ZNF236: variants seen among roughly 807,000 people sequenced by gnomAD.
ZNF236 encodes zinc finger protein 236, also known as regulated by glucose.
Under a neutral mutation model 191.2 loss-of-function variants are expected in ZNF236, and 50 were observed. That is an observed-to-expected ratio of 0.26 (90% confidence interval 0.21 to 0.33). The LOEUF (loss-of-function observed/expected upper bound fraction) is 0.33, where lower values mean the gene tolerates loss of function less well. ZNF236 is among the 10% of genes least tolerant of loss of function. The pLI is 1.00. For missense variants in ZNF236, 1,754 were observed against 2,374.5 expected (o/e 0.74, Z 5.43); for synonymous variants, 907 against 928.8 (o/e 0.98, Z 0.43).
chr18:76,879,398 G>A (rs1022053848), intron 7 of ZNF236, among the ~76,000 whole-genome samples: 1 of 152,082 alleles, frequency 6.6e-6, no homozygotes, highest in Non-Finnish European at 1.5e-5. Flanking sequence ...GCATCGGTCG[G>A]GTACATTTGT....
intron 9 of ZNF236, among the ~76,000 whole-genome samples, chr18:76,893,359 C>T (rs2122697498): frequency 6.6e-6 from 1 of 152,306 alleles, no homozygotes; most frequent in South Asian, 2.1e-4. Flanking sequence ...CACCACAAAA[C>T]AAATGTCTCA....
At chr18:76,915,371 A>G (rs1967329010) in intron 18 of ZNF236, among the ~76,000 whole-genome samples, 1 of 152,240 alleles carries the variant, frequency 6.6e-6, no homozygotes, top group South Asian at 2.1e-4. Flanking sequence ...GTGACTTCAC[A>G]GAGCCTGCTG....
intron 27 of ZNF236, among the ~76,000 whole-genome samples, chr18:76,951,791 A>G (rs1968417012): frequency 6.6e-6 from 1 of 152,154 alleles, no homozygotes; most frequent in Non-Finnish European, 1.5e-5. Context: ...ATTAAGCTTA[A>G]TCATTTCTAG....
Position 76,927,516 on chromosome 18 carries a change from T to G in ZNF236, c.4413T>G (p.Ser1471Arg), listed in dbSNP as rs1967737835. ...EQDSVLTTNS[S>R]GTQDLTQVMT... ...ATTCAGTGCTGACCACTAACAGCAG[T>G]GGTAAGAGCCACTCACTTTTGCTTA... The change falls in exon 24 of 31, where the codon AGT (serine) becomes AGG (arginine). Residue 1471 changes from serine to arginine, a missense_variant and splice_region_variant. Physicochemically the swap from Ser to Arg is moderately radical, Grantham distance 110. Coordinates refer to ENST00000320610, the MANE Select transcript of ZNF236 (RefSeq NM_001306089.2). This position sits in a 1 kb window ranked among gnomAD's most constrained non-coding sequence, Gnocchi z 5.4. 2 of 1,609,796 alleles carry G rather than the reference T, an allele frequency of 1.2e-6. No homozygotes were observed. Among genetic ancestry groups the G allele is most frequent in the Non-Finnish European group, 1.7e-6 (2 of 1,177,762 alleles).
At chr18:76,908,611 G>A (rs2122757537) in intron 14 of ZNF236, 38 bp downstream of exon 14, 1 of 1,563,786 alleles carries the variant, frequency 6.4e-7, no homozygotes, top group African/African-American at 1.3e-5. Context: ...AGTGATCCCA[G>A]CAGAGTTTTG....
intron 26 of ZNF236, among the ~76,000 whole-genome samples, chr18:76,943,279 G>C (rs1312153446): frequency 6.6e-6 from 1 of 152,136 alleles, no homozygotes; most frequent in Non-Finnish European, 1.5e-5. Flanking sequence ...TTTTAATTCA[G>C]AGAAAATTGG....
intron 1 of ZNF236, among the ~76,000 whole-genome samples, chr18:76,832,721 AT>A (rs1975209033): frequency 6.6e-6 from 1 of 152,066 alleles, no homozygotes; most frequent in South Asian, 2.1e-4. Flanking sequence ...GTACTTTTCA[AT>A]TTCATGTAGA....
rs953059474 is a variant in ZNF236 at position 76,960,871 on chromosome 18, C to T, written c.5419+16C>T. On this transcript the variant is annotated intron_variant, in intron 30 of 30. Coordinates refer to ENST00000320610, the MANE Select transcript of ZNF236 (RefSeq NM_001306089.2). This position sits in a 1 kb window ranked among gnomAD's most constrained non-coding sequence, Gnocchi z 4.4. Reference sequence around the variant, plus strand: ...AGCTATGCTGGTGAGAATGCTGCACCCGGGAGTGCGTGCTGTTCGGTGGCC... The same window carrying T: ...AGCTATGCTGGTGAGAATGCTGCACTCGGGAGTGCGTGCTGTTCGGTGGCC... 5 of 1,602,728 alleles carry T rather than the reference C, an allele frequency of 3.1e-6. No homozygotes were observed. Among genetic ancestry groups the T allele is most frequent in the Non-Finnish European group, 4.3e-6 (5 of 1,172,544 alleles).
chr18:76,929,383 G>A (rs979702394), intron 25 of ZNF236, among the ~76,000 whole-genome samples: 2 of 152,092 alleles, frequency 1.3e-5, no homozygotes, highest in Non-Finnish European at 2.9e-5. Flanking sequence ...AAATACAGAA[G>A]AGTTACAATA....
At position 76,956,144 on chromosome 18, in the gene ZNF236, G is replaced by A. The variant is rs1303975668; in HGVS notation, c.5074G>A (p.Val1692Met). 9 of 1,563,890 alleles carry A rather than the reference G, an allele frequency of 5.8e-6. No individual in the cohort carries two copies. Among genetic ancestry groups the A allele is most frequent in the South Asian group, 2.3e-5 (2 of 85,466 alleles). ...CCGGGAGCGCATCCACGGCTGCCCCGTGTGCAGGAAGGCCTTCAAGCGCGC... is the reference window on the plus strand; with the variant it reads ...CCGGGAGCGCATCCACGGCTGCCCCATGTGCAGGAAGGCCTTCAAGCGCGC... Reference protein sequence around the residue: ...HGRERIHGCPVCRKAFKRATH... With the variant: ...HGRERIHGCPMCRKAFKRATH... Residue 1692 changes from valine to methionine, a missense_variant, in exon 28 of 31, where the codon GTG becomes ATG. Transcript: ENST00000320610.
chr18:76,867,582 A>G (rs1449950142), intron 3 of ZNF236, among the ~76,000 whole-genome samples: 1 of 152,212 alleles, frequency 6.6e-6, no homozygotes, highest in Non-Finnish European at 1.5e-5. Context: ...ATGCTCATTG[A>G]CAGGTCATGT....
At chr18:76,962,187 G>A (rs1465311901) in intron 30 of ZNF236, among the ~76,000 whole-genome samples, 1 of 152,100 alleles carries the variant, frequency 6.6e-6, no homozygotes, top group African/African-American at 2.4e-5. Context: ...AATTTTTATA[G>A]TTTCAGGTCT....
rs550867084 is a variant in ZNF236, at chr18:76,905,324, A to G, written c.2206A>G (p.Ile736Val). 5 of 1,614,220 alleles carry G rather than the reference A, an allele frequency of 3.1e-6. No homozygotes were observed. The highest frequency in any genetic ancestry group is 4.2e-6 in the Non-Finnish European group (5 of 1,180,034). Residue 736 changes from isoleucine to valine, a missense_variant, in exon 13 of 31, where the codon ATC becomes GTC. Ile to Val is a conservative substitution (Grantham distance 29). This residue lies in a region of ZNF236 where 641 missense variants were observed against 869.6 expected (regional missense o/e 0.74). Transcript: ENST00000320610. ...TGGSLRRHMGIHNDLRPYMCP... is the reference protein window; with the variant it reads ...TGGSLRRHMGVHNDLRPYMCP... ...TGGCAGCTTACGGCGACACATGGGT[A>G]TCCACAACGACCTTCGTCCCTATAT...
intron 1 of ZNF236, among the ~76,000 whole-genome samples, chr18:76,822,915 A>C (rs939996987): frequency 6.8e-6 from 1 of 147,170 alleles, no homozygotes; most frequent in Non-Finnish European, 1.5e-5. Flanking sequence ...CTGAGGCGGG[A>C]GGCGGGAGGC....
rs1364262860 is a variant in ZNF236, at chr18:76,908,467, A to C, written c.2445A>C (p.Ala815=). Residue 815 remains alanine, a synonymous_variant, in exon 14 of 31, where the codon GCA becomes GCC. Coordinates refer to ENST00000320610, the MANE Select transcript of ZNF236 (RefSeq NM_001306089.2). ...TGCCGCAGACGGCAGAGGTGGTCGC[A>C]GCGAACCCCGAGGCCATGCTGGACC... ...DELPQTAEVV[A]ANPEAMLDLE... 1.9e-6 allele frequency: 3 copies of C among 1,614,210 alleles called. No homozygotes were observed. In the Admixed American group the frequency reaches 5.0e-5, roughly 27 times the overall value.
In ZNF236 at chr18:76,914,550, A is replaced by G. The variant is rs79525519; in HGVS notation, c.3061+652A>G. ...CTCTGGTTTCCCCACATCCTTGCCA[A>G]TGGCTATTATTGCTTCTCTTATGAC... On this transcript the variant is annotated intron_variant, in intron 18 of 30. Coordinates refer to ENST00000320610, the MANE Select transcript of ZNF236 (RefSeq NM_001306089.2). Among the ~76,000 whole-genome samples, 1,711 of 152,184 alleles carry G rather than the reference A, an allele frequency of 0.011. 72 individuals carry two copies. The East Asian group carries it at 0.12, about 11-fold the overall frequency.
chr18:76,892,265 T>C (rs1977269774), intron 9 of ZNF236, among the ~76,000 whole-genome samples: 1 of 150,010 alleles, frequency 6.7e-6, no homozygotes, highest in South Asian at 2.1e-4. Flanking sequence ...TTAGATTATA[T>C]GGTAATATCA....
At position 76,840,686 on chromosome 18, in the gene ZNF236, C is replaced by T. The variant is rs578066756; in HGVS notation, c.56-8840C>T. Among the ~76,000 whole-genome samples the T allele has an allele frequency of 3.0e-4, 40 of 132,374 alleles. 1 individual carries two copies. Among genetic ancestry groups the T allele is most frequent in the Middle Eastern group, 5.3e-3 (1 of 190 alleles). 86.8% of individuals were successfully genotyped at this position (132,374 alleles called of 152,430 possible). The stretch of plus-strand genomic sequence containing the variant: ...TGTCACTCAGGCTGGAGTGCAGTGA[C>T]GTGATCTTGGCTCACTGCAACCTCC... On this transcript the variant is annotated intron_variant, in intron 1 of 30. Coordinates refer to ENST00000320610, the MANE Select transcript of ZNF236 (RefSeq NM_001306089.2).
intron 30 of ZNF236, among the ~76,000 whole-genome samples, chr18:76,964,353 A>C (rs1230255189): frequency 6.6e-6 from 1 of 152,200 alleles, no homozygotes; most frequent in Non-Finnish European, 1.5e-5. Context: ...TTGAATTTTC[A>C]TGTATTTGCA....
Sources: gnomAD v4.1 joint callset for allele counts (sites outside exome capture counted in the v4.1 genomes callset) on GRCh38, gnomAD v4.1.1 for gene constraint, gnomAD v4.1.1 regional missense constraint, Gnocchi (gnomAD v3.1) non-coding constraint, MANE v1.5 for transcripts, NCBI Gene and HGNC (gene_info 2026-07-23, HGNC 2026-07-21) for gene names.